The following ANK2 variants were observed in gnomAD, a reference collection of about 807,000 sequenced individuals.
The protein encoded by ANK2 is ankyrin 2, also known as ankyrin-2.
ANK2 carries 83 observed loss-of-function variants against 360.5 expected under a neutral mutation model. The ratio of observed to expected loss-of-function variants is 0.23; its 90% confidence interval spans 0.19 to 0.28. The LOEUF (loss-of-function observed/expected upper bound fraction) is 0.28. Among genes scored for constraint, ANK2 ranks in the 10% least tolerant of loss-of-function variants. ANK2 has a pLI of 1.00. For missense variants in ANK2, 4,201 were observed against 4,795.7 expected (o/e 0.88, Z 3.66); for synonymous variants, 1,740 against 1,759.5 (o/e 0.99, Z 0.28).
intron 2 of ANK2, among the ~76,000 whole-genome samples, chr4:113,021,817 A>G (rs1219713930): frequency 6.6e-6 from 1 of 152,034 alleles, no homozygotes; most frequent in African/African-American, 2.4e-5. Flanking sequence ...AAGAATCTAA[A>G]TGGAAAGAGA....
intron 4 of ANK2, among the ~76,000 whole-genome samples, chr4:113,223,056 A>C (rs1430546490): frequency 6.6e-6 from 1 of 152,214 alleles, no homozygotes; most frequent in Non-Finnish European, 1.5e-5. Context: ...GGTTTTTTAC[A>C]TCCTTTGCAG....
chr4:113,164,023 C>A (rs1489681244), intron 1 of ANK2, among the ~76,000 whole-genome samples: 1 of 152,156 alleles, frequency 6.6e-6, no homozygotes, highest in African/African-American at 2.4e-5. Flanking sequence ...CCCAGGCAAT[C>A]ACTTACCAGT....
At chr4:112,882,071 CG>C (rs761590440) in intron 1 of ANK2, 41 of 361,268 alleles carry the variant, frequency 1.1e-4, no homozygotes, top group Non-Finnish European at 1.9e-4. Flanking sequence ...AGGCTCTCAT[CG>C]GTTGTTTCAA....
rs772833326 is a variant in ANK2 at position 113,355,939 on chromosome 4, C to A, written c.7321C>A (p.Pro2441Thr). ...CCACAAAGACTCTCTGGAAGCCAGC[C>A]CTGTGCTAGAAGATAACTCTTCACA... is the stretch of plus-strand genomic sequence containing the variant. ...VSHKDSLEASPVLEDNSSHKT... is the reference protein window; with the variant it reads ...VSHKDSLEASTVLEDNSSHKT... Residue 2441 changes from proline (P) to threonine (T), a missense_variant, in exon 38 of 46, where the codon CCT becomes ACT. Coordinates refer to ENST00000357077, the MANE Select transcript of ANK2 (RefSeq NM_001148.6). 1 of 1,614,084 alleles carries A rather than the reference C, an allele frequency of 6.2e-7. No individual in the cohort carries two copies. The highest frequency in any genetic ancestry group is 8.5e-7 in the Non-Finnish European group (1 of 1,179,972).
At chr4:113,268,422 TC>T (rs1233395403) in intron 14 of ANK2, among the ~76,000 whole-genome samples, 1 of 152,198 alleles carries the variant, frequency 6.6e-6, no homozygotes, top group South Asian at 2.1e-4. Flanking sequence ...TGAGATATGT[TC>T]CATCAATACC....
chr4:113,156,594 C>G (rs2097307398), intron 1 of ANK2, among the ~76,000 whole-genome samples: 2 of 151,718 alleles, frequency 1.3e-5, no homozygotes, highest in East Asian at 3.9e-4. Context: ...AACTCCTGAG[C>G]TCAAATGATC....
chr4:112,973,188 TAAA>T (rs34597000), intron 2 of ANK2, among the ~76,000 whole-genome samples: 11 of 134,738 alleles, frequency 8.2e-5, no homozygotes, highest in Admixed American at 7.6e-5. Flanking sequence ...ATTTGCATTG[TAAA>T]AAAAAAAAAA....
chr4:112,883,870 G>GTA (rs2077506475), intron 1 of ANK2, among the ~76,000 whole-genome samples: 1 of 141,576 alleles, frequency 7.1e-6, no homozygotes, highest in African/African-American at 2.8e-5. Context: ...ATATATATAT[G>GTA]TATATATATG....
At chr4:112,710,418 A>G in the ANK2 span, among the ~76,000 whole-genome samples, 1 of 152,196 alleles carries the variant, frequency 6.6e-6, no homozygotes, top group Admixed American at 6.5e-5. Context: ...AGCTTGGGCC[A>G]GGCCAGGTGG....
chr4:113,349,545 A>G (rs919659069), intron 36 of ANK2, among the ~76,000 whole-genome samples: 1 of 152,088 alleles, frequency 6.6e-6, no homozygotes, highest in African/African-American at 2.4e-5. Context: ...CCTGCCGCAC[A>G]TAGCCATATA....
intron 2 of ANK2, among the ~76,000 whole-genome samples, chr4:112,982,551 G>T (rs1170944659): frequency 6.6e-6 from 1 of 152,132 alleles, no homozygotes; most frequent in Non-Finnish European, 1.5e-5. Context: ...AAAAATTATT[G>T]AAGTTATTTG....
intron 1 of ANK2, among the ~76,000 whole-genome samples, chr4:112,828,060 C>T (rs1038105582): frequency 1.3e-5 from 2 of 151,974 alleles, no homozygotes; most frequent in South Asian, 4.2e-4. Flanking sequence ...GAAATAAAGT[C>T]GCAAACCTAC....
rs201195097 is a variant in ANK2 at position 113,140,467 on chromosome 4, C to T, written c.85-33949C>T. ...AATATAAAGTATTGACTAAATATCA[C>T]GTTAGGATAGTTTTTTTGCACATGA... On this transcript the variant is annotated intron_variant, in intron 1 of 45. Coordinates refer to ENST00000357077, the MANE Select transcript of ANK2 (RefSeq NM_001148.6). Among the ~76,000 whole-genome samples the T allele has an allele frequency of 9.9e-5, 15 of 152,172 alleles. No individual in the cohort carries two copies. In the East Asian group the frequency reaches 2.7e-3, roughly 27 times the overall value.
the ANK2 span, among the ~76,000 whole-genome samples, chr4:112,796,525 A>G: frequency 6.6e-6 from 1 of 151,812 alleles, no homozygotes; most frequent in African/African-American, 2.4e-5. Context: ...ATTTTTTTTA[A>G]CTTAAATAGA....
the ANK2 span, among the ~76,000 whole-genome samples, chr4:112,786,122 A>G: frequency 6.6e-6 from 1 of 152,008 alleles, no homozygotes; most frequent in Non-Finnish European, 1.5e-5. Context: ...GATTACAGGC[A>G]TGAGCCACCA....
chr4:112,802,839 G>A, the ANK2 span, among the ~76,000 whole-genome samples: 4 of 152,132 alleles, frequency 2.6e-5, no homozygotes, highest in African/African-American at 9.7e-5. Flanking sequence ...TTCCTCCCGA[G>A]GTGATATGTT....
chr4:113,039,428 G>A (rs1311737892), intron 2 of ANK2, among the ~76,000 whole-genome samples: 1 of 151,942 alleles, frequency 6.6e-6, no homozygotes, highest in Non-Finnish European at 1.5e-5. Context: ...GCAGCATTTT[G>A]CAAAACAACA....
rs29414 is a variant in ANK2 at position 113,264,781 on chromosome 4, T to C, written c.1387-116T>C. ...CAGACTAAATAATTATGCCTTTTCA[T>C]AGGTTTCTTAAATCCTTGGATATAT... On this transcript the variant is annotated intron_variant, in intron 13 of 45. Coordinates refer to ENST00000357077, the MANE Select transcript of ANK2 (RefSeq NM_001148.6). 3.0e-6 allele frequency: 3 copies of C among 989,840 alleles called. No individual in the cohort carries two copies. The East Asian group carries it at 8.1e-5, about 27-fold the overall frequency. 61.3% of individuals were successfully genotyped at this position (989,840 alleles called of 1,614,324 possible). A position where few individuals can be genotyped will look rare whatever the true frequency, so the allele number is the denominator to read the frequency against.
At chr4:113,339,849 G>A (rs2094048601) in intron 32 of ANK2, among the ~76,000 whole-genome samples, 1 of 152,132 alleles carries the variant, frequency 6.6e-6, no homozygotes, top group African/African-American at 2.4e-5. Flanking sequence ...CCATTCCTTT[G>A]ATCTTTAATT....
Sources: gnomAD v4.1 joint callset for allele counts (sites outside exome capture counted in the v4.1 genomes callset) on GRCh38, gnomAD v4.1.1 for gene constraint, MANE v1.5 for transcripts, NCBI Gene and HGNC (gene_info 2026-07-23, HGNC 2026-07-21) for gene names.